CCDC63: variants seen among roughly 807,000 people sequenced by gnomAD.
CCDC63 encodes the protein coiled-coil domain containing 63.
A neutral mutation model predicts 63.6 loss-of-function variants in CCDC63; 54 were observed. The observed-to-expected ratio is 0.85, with a 90% confidence interval of 0.68 to 1.07. CCDC63 has a LOEUF of 1.07. Ranked by LOEUF, CCDC63 falls within the 50% of genes least tolerant of loss-of-function variation. The pLI is 0.00. For synonymous variants in CCDC63, 253 were observed against 266.1 expected, an observed-to-expected ratio of 0.95 and a Z score of 0.48; for missense variants, 637 against 689.6, an observed-to-expected ratio of 0.92 and a Z score of 0.86.
At chr12:110,876,335 G>GCA (rs2071129962) in intron 5 of CCDC63, among the ~76,000 whole-genome samples, 2 of 152,154 alleles carry the variant, frequency 1.3e-5, no homozygotes, top group African/African-American at 4.8e-5. Flanking sequence ...CCAAGAGGAA[G>GCA]TGGAGGATGC....
intron 4 of CCDC63, among the ~76,000 whole-genome samples, chr12:110,863,197 G>A (rs1358942094): frequency 6.6e-6 from 1 of 152,128 alleles, no homozygotes; most frequent in Non-Finnish European, 1.5e-5. Context: ...AGTAGAGCGG[G>A]GGCCTGACTC....
At chr12:110,850,556 A>C (rs754854605) in intron 1 of CCDC63, among the ~76,000 whole-genome samples, 2 of 152,166 alleles carry the variant, frequency 1.3e-5, no homozygotes, top group Non-Finnish European at 2.9e-5. Flanking sequence ...AGCCTGACCA[A>C]AATGGTGAAA....
chr12:110,858,870 C>T (rs1338945501), intron 4 of CCDC63, 95 bp downstream of exon 4: 2 of 1,023,712 alleles, frequency 2.0e-6, no homozygotes, highest in South Asian at 3.0e-5. Flanking sequence ...ACCTGACACC[C>T]CTGTATCACA....
chr12:110,906,545 GA>G (rs369947184), intron 11 of CCDC63, among the ~76,000 whole-genome samples: 158 of 151,968 alleles, frequency 1.0e-3, no homozygotes, highest in East Asian at 9.5e-3. Context: ...GTAAGTAGGG[GA>G]AAAAATCAAT....
At chr12:110,877,704 CT>C (rs869085659) in intron 5 of CCDC63, among the ~76,000 whole-genome samples, 1 of 142,908 alleles carries the variant, frequency 7.0e-6, no homozygotes, top group African/African-American at 2.6e-5. Context: ...GACTTTCTTT[CT>C]TTCTTTTTTT....
Position 110,907,379 on chromosome 12 carries a change from A to AT in CCDC63, c.1597dup (p.Tyr533LeufsTer9). 6.2e-7 allele frequency: 1 copy of AT among 1,614,122 alleles called. No homozygotes were observed. The highest frequency in any genetic ancestry group is 8.5e-7 in the Non-Finnish European group (1 of 1,180,020). ...AGCCTTCGGCAGCTGGTTCTCGACA[A>AT]TTATATCCTGAAGGAGAATCGGAGT... On this transcript the variant is annotated frameshift_variant, in exon 12 of 12. Coordinates refer to ENST00000308208, the MANE Select transcript of CCDC63 (RefSeq NM_152591.3). LOFTEE classifies it low-confidence loss of function (END_TRUNC). This position sits in a 1 kb window ranked among gnomAD's most constrained non-coding sequence, Gnocchi z 4.4.
chr12:110,882,921 G>A (rs2071225850), intron 7 of CCDC63, among the ~76,000 whole-genome samples: 1 of 152,038 alleles, frequency 6.6e-6, no homozygotes, highest in South Asian at 2.1e-4. Context: ...GTGCAGTGGT[G>A]TGACAGTCAC....
At chr12:110,887,267 C>G (rs1019191221) in intron 8 of CCDC63, among the ~76,000 whole-genome samples, 3 of 152,078 alleles carry the variant, frequency 2.0e-5, no homozygotes, top group African/African-American at 7.2e-5. Context: ...GCTGGGACTA[C>G]AGGCAGAGCC....
chr12:110,880,670 ATGG>A (rs1275215128), intron 6 of CCDC63, among the ~76,000 whole-genome samples: 1 of 2,358 alleles, frequency 4.2e-4, no homozygotes, highest in Non-Finnish European at 9.8e-4. Context: ...AGTGGTGATG[ATGG>A]TGGTGACGAT....
Position 110,904,613 on chromosome 12 carries a change from C to T in CCDC63, c.1368C>T (p.Asp456=), listed in dbSNP as rs2071533577. 5 of 1,613,952 alleles carry T rather than the reference C, an allele frequency of 3.1e-6. No homozygotes were observed. The highest frequency in any genetic ancestry group is 1.3e-5 in the African/African-American group (1 of 74,890). ...YFAIIEKKTN[D]LLLLETYRRI... Reference sequence around the variant, plus strand: ...CCATCATTGAAAAGAAGACCAACGACCTGCTGCTGTTGGAGACCTACAGGC... The same window carrying T: ...CCATCATTGAAAAGAAGACCAACGATCTGCTGCTGTTGGAGACCTACAGGC... The change falls in exon 11 of 12, where the codon GAC becomes GAT. Residue 456 remains aspartate (D), a synonymous_variant. Transcript: ENST00000308208.
chr12:110,884,216 T>C lies in CCDC63; in HGVS notation c.1040T>C (p.Met347Thr), dbSNP rs1202874605. The C allele has an allele frequency of 1.2e-6, 2 of 1,613,988 alleles. No homozygotes were observed. Among genetic ancestry groups the C allele is most frequent in the Admixed American group, 1.7e-5 (1 of 59,984 alleles). ...FTYVTELNND[M>T]EMMHKRTQRI... ...TATGTCACGGAGCTCAACAACGACA[T>C]GGAGATGATGCACAAGAGGACCCAA... The change falls in exon 8 of 12, where the codon ATG becomes ACG. Residue 347 changes from methionine to threonine, a missense_variant. Physicochemically the swap from Met to Thr is moderately conservative, Grantham distance 81. Transcript: ENST00000308208.
intron 8 of CCDC63, among the ~76,000 whole-genome samples, chr12:110,888,587 A>G (rs1289113432): frequency 1.3e-5 from 2 of 152,164 alleles, no homozygotes; most frequent in Non-Finnish European, 2.9e-5. Flanking sequence ...GAATAAGTCC[A>G]GAGAGCACTG....
rs149434067 is a variant in CCDC63, at chr12:110,886,065, G to C, written c.1074+1815G>C. The stretch of plus-strand genomic sequence containing the variant: ...GGAGTGAAGGTGACTTTATCAATTA[G>C]GGTTGTCACAGGAAACAGCACAGCC... On this transcript the variant is annotated intron_variant, in intron 8 of 11. Coordinates refer to ENST00000308208, the MANE Select transcript of CCDC63 (RefSeq NM_152591.3). Among the ~76,000 whole-genome samples the C allele has an allele frequency of 2.9e-3, 442 of 152,246 alleles. 2 individuals are homozygous for C. The highest frequency in any genetic ancestry group is 9.9e-3 in the African/African-American group (411 of 41,536).
chr12:110,903,741 C>T (rs974501527), intron 10 of CCDC63, among the ~76,000 whole-genome samples: 4 of 152,082 alleles, frequency 2.6e-5, no homozygotes, highest in South Asian at 2.1e-4. Flanking sequence ...CTGCAGGTAG[C>T]GAGGAGTGAC....
At chr12:110,877,403 AG>A (rs2071144733) in intron 5 of CCDC63, among the ~76,000 whole-genome samples, 1 of 151,934 alleles carries the variant, frequency 6.6e-6, no homozygotes, top group South Asian at 2.1e-4. Context: ...TAGTAGAGAC[AG>A]GGTTTCACCA....
Position 110,893,085 on chromosome 12 carries a change from A to G in CCDC63, c.1084A>G (p.Ile362Val). The G allele has an allele frequency of 6.2e-7, 1 of 1,614,034 alleles. No individual in the cohort carries two copies. The highest frequency in any genetic ancestry group is 8.5e-7 in the Non-Finnish European group (1 of 1,179,958). Residue 362 changes from isoleucine (I) to valine (V), a missense_variant, in exon 9 of 12, where the codon ATC (isoleucine) becomes GTC (valine). Physicochemically the swap from Ile to Val is conservative, Grantham distance 29. Transcript: ENST00000308208. Reference protein sequence around the residue: ...KRTQRIQDEIILLRSQQKLSH... With the variant: ...KRTQRIQDEIVLLRSQQKLSH... Reference sequence around the variant, plus strand: ...GTTCTCTCCCGAGCAGGACGAGATCATCCTCTTGCGATCCCAGCAGAAATT... The same window carrying G: ...GTTCTCTCCCGAGCAGGACGAGATCGTCCTCTTGCGATCCCAGCAGAAATT...
intron 5 of CCDC63, among the ~76,000 whole-genome samples, chr12:110,877,739 G>T (rs61226717): frequency 0.067 from 9,321 of 138,138 alleles, 348 homozygotes; most frequent in East Asian, 0.16. Flanking sequence ...TGAGTCTCAT[G>T]CTGTCACCCA....
chr12:110,867,344 T>TG (rs2070976093), intron 4 of CCDC63, among the ~76,000 whole-genome samples: 1 of 55,080 alleles, frequency 1.8e-5, no homozygotes, highest in African/African-American at 8.5e-5. Context: ...GCTGGCCGGG[T>TG]GGAGGGCTGA....
intron 9 of CCDC63, among the ~76,000 whole-genome samples, chr12:110,896,108 T>A (rs987453081): frequency 4.6e-5 from 7 of 152,216 alleles, no homozygotes; most frequent in African/African-American, 1.7e-4. Context: ...GTGATTTTTT[T>A]AAAATTGTGA....
Sources: gnomAD v4.1 joint callset for allele counts (sites outside exome capture counted in the v4.1 genomes callset) on GRCh38, gnomAD v4.1.1 for gene constraint, Gnocchi (gnomAD v3.1) non-coding constraint, MANE v1.5 for transcripts, NCBI Gene and HGNC (gene_info 2026-07-23, HGNC 2026-07-21) for gene names.